Variants in MCC observed in about 807,000 individuals in gnomAD.
MCC encodes colorectal mutant cancer protein.
MCC carries 90 observed loss-of-function variants against 116.2 expected under a neutral mutation model. That is an observed-to-expected ratio of 0.77 (90% CI 0.65 to 0.92). The LOEUF (loss-of-function observed/expected upper bound fraction) is 0.92. MCC is among the 40% of genes least tolerant of loss of function. The probability of loss-of-function intolerance (pLI) is 0.00; values close to 1 mark genes in which losing one functional copy is unlikely to be tolerated. For missense variants in MCC, 1,516 were observed against 1,312.2 expected, an observed-to-expected ratio of 1.16 and a Z score of -2.40; for synonymous variants, 578 against 510.5, an observed-to-expected ratio of 1.13 and a Z score of -1.78.
At chr5:113,399,310 C>G (rs972217003) in intron 1 of MCC, among the ~76,000 whole-genome samples, 2 of 152,016 alleles carry the variant, frequency 1.3e-5, no homozygotes, top group Non-Finnish European at 2.9e-5. Flanking sequence ...AAGGTGAAAC[C>G]CTGTCTCTAC....
intron 14 of MCC, among the ~76,000 whole-genome samples, chr5:113,054,352 G>A (rs10039618): frequency 0.38 from 57,675 of 152,072 alleles, 11,297 homozygotes; most frequent in Middle Eastern, 0.44. Flanking sequence ...TAGTGATATC[G>A]ACAATGGTGG....
intron 3 of MCC, among the ~76,000 whole-genome samples, chr5:113,167,027 C>T (rs531159073): frequency 3.9e-5 from 6 of 152,254 alleles, no homozygotes; most frequent in African/African-American, 1.2e-4. Context: ...CCTTTCCAGT[C>T]GGGGCGAGTC....
At chr5:113,430,455 C>G (rs1479607232) in intron 1 of MCC, among the ~76,000 whole-genome samples, 1 of 152,146 alleles carries the variant, frequency 6.6e-6, no homozygotes, top group Non-Finnish European at 1.5e-5. Context: ...CTCTCTGCAA[C>G]AAAGGTCCAG....
chr5:113,465,464 A>C (rs1439698822), intron 1 of MCC, among the ~76,000 whole-genome samples: 1 of 152,190 alleles, frequency 6.6e-6, no homozygotes, highest in African/African-American at 2.4e-5. Flanking sequence ...TACTGAGCTC[A>C]GTAGAGAGAG....
At chr5:113,178,094 T>A (rs373119431) in intron 3 of MCC, among the ~76,000 whole-genome samples, 111 of 152,264 alleles carry the variant, frequency 7.3e-4, no homozygotes, top group African/African-American at 1.1e-3. Flanking sequence ...TCAGAACACA[T>A]GCAGGAAAGT....
At chr5:113,252,703 C>A (rs1764847632) in intron 3 of MCC, among the ~76,000 whole-genome samples, 1 of 152,180 alleles carries the variant, frequency 6.6e-6, no homozygotes. Context: ...GAAAAATTGT[C>A]TTCCAGGAAA....
chr5:113,472,844 C>G (rs1218297075), intron 1 of MCC, among the ~76,000 whole-genome samples: 3 of 152,170 alleles, frequency 2.0e-5, no homozygotes, highest in Non-Finnish European at 4.4e-5. Flanking sequence ...GAGTTTTCCT[C>G]TATTTTAGGA....
chr5:113,101,921 G>A lies in MCC; in HGVS notation c.1216C>T (p.Leu406Phe), dbSNP rs1756444336. ...AGGTTGGGATACAGGTCCCGGCCAA[G>A]CACCCCCTCAATCTCCTCGACTGTC... ...IKTVEEIEGVLGRDLYPNLAE... is the reference protein window; with the variant it reads ...IKTVEEIEGVFGRDLYPNLAE... Residue 406 changes from leucine to phenylalanine, a missense_variant, in exon 8 of 19, where the codon CTT becomes TTT. Physicochemically the swap from Leu to Phe is conservative, Grantham distance 22. Transcript: ENST00000408903. 6.2e-7 allele frequency: 1 copy of A among 1,613,536 alleles called. No homozygotes were observed. The highest frequency in any genetic ancestry group is 1.3e-5 in the African/African-American group (1 of 74,766).
chr5:113,045,367 T>C (rs1051399176), intron 16 of MCC, among the ~76,000 whole-genome samples: 1 of 152,216 alleles, frequency 6.6e-6, no homozygotes, highest in Non-Finnish European at 1.5e-5. Flanking sequence ...GACTCAAATG[T>C]GGCCCGCCAG....
At chr5:113,058,981 G>T (rs374638039) in intron 14 of MCC, among the ~76,000 whole-genome samples, 1 of 152,166 alleles carries the variant, frequency 6.6e-6, no homozygotes, top group East Asian at 1.9e-4. Flanking sequence ...AGCTGCCAGT[G>T]GTTGAATGGA....
At chr5:113,322,857 G>A (rs1430248911) in intron 3 of MCC, among the ~76,000 whole-genome samples, 1 of 152,196 alleles carries the variant, frequency 6.6e-6, no homozygotes, top group Non-Finnish European at 1.5e-5. Context: ...AGCCTACAAT[G>A]ATCCCCATCT....
chr5:113,467,951 G>A (rs1364435091), intron 1 of MCC, among the ~76,000 whole-genome samples: 4 of 152,100 alleles, frequency 2.6e-5, no homozygotes, highest in African/African-American at 7.2e-5. Flanking sequence ...AAGCAATTGT[G>A]AATGGGAGTT....
At chr5:113,253,778 T>C (rs868089584) in intron 3 of MCC, among the ~76,000 whole-genome samples, 7 of 152,076 alleles carry the variant, frequency 4.6e-5, no homozygotes, top group Admixed American at 1.3e-4. Flanking sequence ...GGGAAAAACA[T>C]CTGAGTGTGG....
chr5:113,438,018 G>A (rs1316820990), intron 1 of MCC, among the ~76,000 whole-genome samples: 3 of 152,156 alleles, frequency 2.0e-5, no homozygotes, highest in Non-Finnish European at 4.4e-5. Context: ...AGTATCACCA[G>A]TCTATGGGAC....
At chr5:113,189,157 T>G (rs1019731842) in intron 3 of MCC, among the ~76,000 whole-genome samples, 4 of 152,080 alleles carry the variant, frequency 2.6e-5, no homozygotes, top group Non-Finnish European at 5.9e-5. Context: ...ATCCAATGGG[T>G]GCACTGAGCC....
chr5:113,057,028 T>C (rs1752879154), intron 14 of MCC, among the ~76,000 whole-genome samples: 1 of 152,028 alleles, frequency 6.6e-6, no homozygotes, highest in African/African-American at 2.4e-5. Flanking sequence ...GACATCAGGG[T>C]GGACCTAAGG....
intron 8 of MCC, among the ~76,000 whole-genome samples, chr5:113,097,332 T>C (rs1355312333): frequency 8.5e-5 from 13 of 152,230 alleles, no homozygotes; most frequent in Admixed American, 8.5e-4. Flanking sequence ...TATATACTTC[T>C]GCATATTAAA....
intron 2 of MCC, among the ~76,000 whole-genome samples, chr5:113,373,280 A>C (rs1446563973): frequency 6.6e-6 from 1 of 152,194 alleles, no homozygotes; most frequent in African/African-American, 2.4e-5. Flanking sequence ...TGTCCACAAC[A>C]CAATTCTGCA....
chr5:113,117,827 A>G (rs539822127), intron 6 of MCC, among the ~76,000 whole-genome samples: 1 of 152,332 alleles, frequency 6.6e-6, no homozygotes, highest in South Asian at 2.1e-4. Flanking sequence ...TGTTGTTTCT[A>G]TTTTAATATG....
Sources: allele counts gnomAD v4.1 joint callset (sites outside exome capture counted in the v4.1 genomes callset), GRCh38; gene constraint gnomAD v4.1.1; transcripts MANE v1.5; gene names NCBI Gene and HGNC (gene_info 2026-07-23, HGNC 2026-07-21).